RFTN1: variants seen among roughly 807,000 people sequenced by gnomAD.
RFTN1 encodes raftlin.
RFTN1 carries 26 observed loss-of-function variants against 46.5 expected under a neutral mutation model. The observed-to-expected ratio is 0.56, with a 90% CI of 0.41 to 0.78. RFTN1 has a LOEUF of 0.78. Among genes scored for constraint, RFTN1 ranks in the 30% least tolerant of loss-of-function variants. The pLI is 0.00. For missense variants in RFTN1, 693 were observed against 718.7 expected, an observed-to-expected ratio of 0.96 and a Z score of 0.41; for synonymous variants, 261 against 284.2, an observed-to-expected ratio of 0.92 and a Z score of 0.82.
intron 2 of RFTN1, among the ~76,000 whole-genome samples, chr3:16,445,605 T>C (rs2075716236): frequency 6.6e-6 from 1 of 151,956 alleles, no homozygotes; most frequent in Non-Finnish European, 1.5e-5. Context: ...GAATGTGGTA[T>C]AAGTATAAAA....
In RFTN1 at chr3:16,448,013, T is replaced by C. The variant is rs56230752; in HGVS notation, c.146-13976A>G. 5.3e-3 allele frequency among the ~76,000 whole-genome samples: 801 copies of C among 151,998 alleles called. 9 individuals carry two copies. The highest frequency in any genetic ancestry group is 0.018 in the African/African-American group (755 of 41,438). On this transcript the variant is annotated intron_variant, in intron 2 of 9. Transcript: ENST00000334133. This position sits in a 1 kb window ranked among gnomAD's most constrained non-coding sequence, Gnocchi z 4.1. ...TTTTTTCTTTTCTTCCTCCCTTCCA[T>C]CCAGGGAGCCACCAGCCACATGTGG...
At position 16,357,996 on chromosome 3, in the gene RFTN1, G is replaced by A. The variant is rs1028012783; in HGVS notation, c.1082C>T (p.Thr361Ile). 6.2e-7 allele frequency: 1 copy of A among 1,603,812 alleles called. No individual in the cohort carries two copies. The highest frequency in any genetic ancestry group is 8.5e-7 in the Non-Finnish European group (1 of 1,174,240). ...DGVFIFEAVS[T>I]EDSKTIQGYD... Reference sequence around the variant, plus strand: ...GCCCTGTATGGTTTTGCTATCTTCTGTGGAAACAGCTTCAAAGATGAATAC... The same window carrying A: ...GCCCTGTATGGTTTTGCTATCTTCTATGGAAACAGCTTCAAAGATGAATAC... Residue 361 changes from threonine to isoleucine, a missense_variant, in exon 7 of 10, where the codon ACA becomes ATA. Thr to Ile is a moderately conservative substitution (Grantham distance 89). Coordinates refer to ENST00000334133, the MANE Select transcript of RFTN1 (RefSeq NM_015150.2).
rs2068561527 is a variant in RFTN1 at position 16,317,659 on chromosome 3, G to A, written c.1333-427C>T. ...CTGAGGATTACCAGGCACGGGGCTG[G>A]CATTCTCTCACTAGGTCACCTGAGT... On this transcript the variant is annotated intron_variant, in intron 9 of 9. Transcript: ENST00000334133. The surrounding 1 kb of genome is among the most constrained non-coding windows in gnomAD (Gnocchi z 4.3). Among the ~76,000 whole-genome samples the A allele has an allele frequency of 6.6e-6, 1 of 152,172 alleles. No individual in the cohort carries two copies. Among genetic ancestry groups the A allele is most frequent in the Non-Finnish European group, 1.5e-5 (1 of 68,042 alleles).
intron 1 of RFTN1, among the ~76,000 whole-genome samples, chr3:16,511,470 C>T (rs2076900808): frequency 6.6e-6 from 1 of 152,078 alleles, no homozygotes; most frequent in Admixed American, 6.6e-5. Flanking sequence ...GCAAAGATGG[C>T]AAAATGTGAA....
In RFTN1 at chr3:16,507,186, T is replaced by C. The variant is rs2076821931; in HGVS notation, c.-9+6256A>G. Among the ~76,000 whole-genome samples, 1 of 152,152 alleles carries C rather than the reference T, an allele frequency of 6.6e-6. No individual in the cohort carries two copies. The highest frequency in any genetic ancestry group is 1.5e-5 in the Non-Finnish European group (1 of 68,028). ...CAGGGCTCAGAAGAGCTCAGACACA[T>C]AGAAAGAGCAGTATAAATATTAACC... is the stretch of plus-strand genomic sequence containing the variant. On this transcript the variant is annotated intron_variant, in intron 1 of 9. Coordinates refer to ENST00000334133, the MANE Select transcript of RFTN1 (RefSeq NM_015150.2). This position sits in a 1 kb window ranked among gnomAD's most constrained non-coding sequence, Gnocchi z 7.1.
rs1472159260 is a variant in RFTN1 at position 16,348,277 on chromosome 3, CAG to C, written c.1146+9653_1146+9654del. On this transcript the variant is annotated intron_variant, in intron 7 of 9. Coordinates refer to ENST00000334133, the MANE Select transcript of RFTN1 (RefSeq NM_015150.2). The surrounding 1 kb of genome is among the most constrained non-coding windows in gnomAD (Gnocchi z 6.3). ...CTAGATCACTGACATTATCCATAAT[CAG>C]AGGCGTCTAGGAGATCACCCACATT... is the stretch of plus-strand genomic sequence containing the variant. Among the ~76,000 whole-genome samples, 5 of 152,158 alleles carry C rather than the reference CAG, an allele frequency of 3.3e-5. No individual in the cohort carries two copies. The East Asian group carries it at 9.6e-4, about 29-fold the overall frequency.
intron 2 of RFTN1, among the ~76,000 whole-genome samples, chr3:16,485,720 T>G (rs773760110): frequency 2.0e-5 from 3 of 152,268 alleles, no homozygotes; most frequent in Non-Finnish European, 4.4e-5. Flanking sequence ...TTTACACCTA[T>G]CAGAACTCAT....
intron 1 of RFTN1, among the ~76,000 whole-genome samples, chr3:16,496,175 C>T (rs1161785171): frequency 1.3e-5 from 2 of 152,214 alleles, no homozygotes. Flanking sequence ...AGAGAGGAAG[C>T]CCCGATTTGT....
intron 4 of RFTN1, among the ~76,000 whole-genome samples, chr3:16,396,378 T>C (rs1559321072): frequency 6.6e-6 from 1 of 152,154 alleles, no homozygotes; most frequent in Non-Finnish European, 1.5e-5. Flanking sequence ...GTGCACCTCT[T>C]GAGAGAAAGT....
intron 7 of RFTN1, chr3:16,347,589 C>G (rs912455592): frequency 6.6e-6 from 1 of 152,196 alleles, no homozygotes; most frequent in Non-Finnish European, 1.5e-5. Flanking sequence ...CCCTCTGCCT[C>G]TCTGTTACAC....
chr3:16,319,714 G>A lies in RFTN1; in HGVS notation c.1333-2482C>T, dbSNP rs148099157. Among the ~76,000 whole-genome samples, 14 of 152,286 alleles carry A rather than the reference G, an allele frequency of 9.2e-5. No individual in the cohort carries two copies. In the East Asian group the frequency reaches 2.5e-3, roughly 27 times the overall value. On this transcript the variant is annotated intron_variant, in intron 9 of 9. Coordinates refer to ENST00000334133, the MANE Select transcript of RFTN1 (RefSeq NM_015150.2). Reference sequence around the variant, plus strand: ...TTGATCTGCTGATATAATACAAAACGAGAACACAAATGGTAGAAAACAAAC... The same window carrying A: ...TTGATCTGCTGATATAATACAAAACAAGAACACAAATGGTAGAAAACAAAC...
chr3:16,338,048 A>G lies in RFTN1; in HGVS notation c.1147-11172T>C, dbSNP rs1559832637. 6.6e-6 allele frequency among the ~76,000 whole-genome samples: 1 copy of G among 152,228 alleles called. No individual in the cohort carries two copies. The highest frequency in any genetic ancestry group is 1.5e-5 in the Non-Finnish European group (1 of 68,032). On this transcript the variant is annotated intron_variant, in intron 7 of 9. Transcript: ENST00000334133. This position sits in a 1 kb window ranked among gnomAD's most constrained non-coding sequence, Gnocchi z 5.3. ...TTGCCCTGGCTTCTCCTAAAGCACCATGCCAAGCTGGCAAGAAAACCAAAC... is the reference window on the plus strand; with the variant it reads ...TTGCCCTGGCTTCTCCTAAAGCACCGTGCCAAGCTGGCAAGAAAACCAAAC...
intron 7 of RFTN1, among the ~76,000 whole-genome samples, chr3:16,347,120 G>A (rs2071775029): frequency 6.6e-6 from 1 of 152,110 alleles, no homozygotes; most frequent in African/African-American, 2.4e-5. Context: ...AGGGCCAATT[G>A]TCCCAGTGTA....
At chr3:16,472,718 G>A (rs375786625) in intron 2 of RFTN1, 4 of 152,212 alleles carry the variant, frequency 2.6e-5, no homozygotes, top group Non-Finnish European at 2.9e-5. Flanking sequence ...CTTCCTGTTC[G>A]AAATGGAGGA....
intron 1 of RFTN1, among the ~76,000 whole-genome samples, chr3:16,510,789 T>C (rs549023638): frequency 6.6e-6 from 1 of 152,310 alleles, no homozygotes; most frequent in African/African-American, 2.4e-5. Context: ...CCATGAGAAA[T>C]GAGAACACAT....
chr3:16,490,788 C>G (rs6774125), intron 2 of RFTN1, among the ~76,000 whole-genome samples: 5,381 of 152,278 alleles, frequency 0.035, 185 homozygotes, highest in East Asian at 0.11. Flanking sequence ...TTATGGTACA[C>G]TGAGTGATTA....
chr3:16,484,338 T>C lies in RFTN1; in HGVS notation c.145+9387A>G, dbSNP rs1391526426. Among the ~76,000 whole-genome samples, 2 of 152,200 alleles carry C rather than the reference T, an allele frequency of 1.3e-5. No homozygotes were observed. The highest frequency in any genetic ancestry group is 2.4e-5 in the African/African-American group (1 of 41,454). ...AAAAACTGGACCTGTAGAAAACTTA[T>C]TGCGCAATGTGCATGTCTTGAATAA... On this transcript the variant is annotated intron_variant, in intron 2 of 9. Transcript: ENST00000334133. The surrounding 1 kb of genome is among the most constrained non-coding windows in gnomAD (Gnocchi z 4.6).
intron 2 of RFTN1, among the ~76,000 whole-genome samples, chr3:16,463,848 G>A (rs59403460): frequency 0.066 from 10,108 of 152,130 alleles, 577 homozygotes; most frequent in East Asian, 0.2. Context: ...ATAGAGTTGG[G>A]GATGGGGGTG....
chr3:16,401,717 T>C (rs1274594026), intron 4 of RFTN1, among the ~76,000 whole-genome samples: 1 of 152,250 alleles, frequency 6.6e-6, no homozygotes, highest in Non-Finnish European at 1.5e-5. Context: ...CAAACTGGTC[T>C]AGATCTTGCA....
Sources: gnomAD v4.1 joint callset for allele counts (sites outside exome capture counted in the v4.1 genomes callset) on GRCh38, gnomAD v4.1.1 for gene constraint, Gnocchi (gnomAD v3.1) non-coding constraint, MANE v1.5 for transcripts, NCBI Gene and HGNC (gene_info 2026-07-23, HGNC 2026-07-21) for gene names.